Variants in LINC00632 observed in about 807,000 individuals in gnomAD.
LINC00632 encodes long independently transcribed non-coding RNA 632, also known as ALDOA related specific transcript.
intron 3 of LINC00632, among the ~76,000 whole-genome samples, chrX:140,761,020 G>T (rs758975870): frequency 8.9e-6 from 1 of 112,454 alleles, no homozygotes; most frequent in East Asian, 2.8e-4. Flanking sequence ...ATGAAAGTGT[G>T]ACTATCTGCA....
At chrX:140,723,713 ACGC>A (rs1930808515) in intron 2 of LINC00632, among the ~76,000 whole-genome samples, 1 of 458 alleles carries the variant, frequency 2.2e-3, no homozygotes, top group Non-Finnish European at 5.2e-3. Flanking sequence ...ATATACACAC[ACGC>A]CATACACACA....
intron 2 of LINC00632, chrX:140,712,337 G>A (rs1048734316): frequency 8.5e-5 from 9 of 106,075 alleles, no homozygotes; most frequent in African/African-American, 2.8e-4. Flanking sequence ...ATTCCTCTTA[G>A]GCGCACCTGA....
chrX:140,765,456 C>G (rs921620668), intron 3 of LINC00632, among the ~76,000 whole-genome samples: 2 of 112,085 alleles, frequency 1.8e-5, no homozygotes, highest in South Asian at 3.8e-4. Context: ...TTTAGGAACC[C>G]CTTCAATAAT....
exon 5 of LINC00632, among the ~76,000 whole-genome samples, chrX:140,789,509 T>C (rs765532835): frequency 8.9e-6 from 1 of 111,885 alleles, no homozygotes; most frequent in African/African-American, 3.2e-5. Flanking sequence ...ATATAAAGCA[T>C]CTTTACAATT....
exon 5 of LINC00632, chrX:140,784,985 A>G (rs1189582217): frequency 8.2e-6 from 1 of 121,216 alleles, no homozygotes; most frequent in Non-Finnish European, 1.9e-5. Flanking sequence ...CTGCTGCAAT[A>G]AATTTTACTA....
exon 5 of LINC00632, among the ~76,000 whole-genome samples, chrX:140,776,124 A>G (rs1484813558): frequency 8.9e-6 from 1 of 111,981 alleles, no homozygotes; most frequent in Non-Finnish European, 1.9e-5. Context: ...TGATATGAAC[A>G]GACACTTCTC....
At chrX:140,771,612 T>TATAC (rs1556028693) in intron 3 of LINC00632, among the ~76,000 whole-genome samples, 2 of 79,733 alleles carry the variant, frequency 2.5e-5, no homozygotes, top group African/African-American at 9.4e-5. Flanking sequence ...TTGGCATATA[T>TATAC]ACACACACAC....
At chrX:140,757,677 C>T (rs770392623) in intron 3 of LINC00632, among the ~76,000 whole-genome samples, 1 of 111,552 alleles carries the variant, frequency 9.0e-6, no homozygotes, top group Admixed American at 9.6e-5. Flanking sequence ...AGCGATTCTC[C>T]TGTCTCAGCC....
chrX:140,712,360 G>T, intron 2 of LINC00632: 1 of 99,375 alleles, frequency 1.0e-5, no homozygotes, highest in African/African-American at 3.8e-5. Flanking sequence ...TCCCAATTGT[G>T]TGTTAAAAAA....
intron 2 of LINC00632, among the ~76,000 whole-genome samples, chrX:140,723,641 ATTC>A (rs1930800798): frequency 9.6e-6 from 1 of 103,774 alleles, no homozygotes; most frequent in Non-Finnish European, 2.0e-5. Flanking sequence ...ACACACACAC[ATTC>A]CATACACACA....
At chrX:140,779,082 T>G (rs988408919) in exon 5 of LINC00632, among the ~76,000 whole-genome samples, 3 of 111,773 alleles carry the variant, frequency 2.7e-5, no homozygotes, top group Non-Finnish European at 5.6e-5. Context: ...TTTTTTCTTC[T>G]TTAAGAAAAG....
intron 3 of LINC00632, among the ~76,000 whole-genome samples, chrX:140,760,696 G>A (rs1010893165): frequency 4.5e-5 from 5 of 111,218 alleles, no homozygotes; most frequent in South Asian, 7.6e-4. Context: ...ACTTGAACCC[G>A]GGAGGCAGAG....
At chrX:140,750,607 A>G (rs1396007002) in intron 3 of LINC00632, among the ~76,000 whole-genome samples, 1 of 111,291 alleles carries the variant, frequency 9.0e-6, no homozygotes, top group Non-Finnish European at 1.9e-5. Context: ...TTTAAAAACC[A>G]TGTCTATTGA....
At chrX:140,732,754 G>A (rs762688330) in intron 2 of LINC00632, among the ~76,000 whole-genome samples, 249 of 109,812 alleles carry the variant, frequency 2.3e-3, no homozygotes, top group African/African-American at 8.0e-3. Context: ...CCTTTACAAA[G>A]GTGGCTATGA....
chrX:140,789,098 CT>C (rs1302834118), exon 5 of LINC00632, among the ~76,000 whole-genome samples: 9 of 108,727 alleles, frequency 8.3e-5, no homozygotes, highest in African/African-American at 3.0e-4. Context: ...CTTCCTCATA[CT>C]TTTTTTATTT....
rs900760209 is a variant in LINC00632, at chrX:140,717,046, G to T, written n.104+5390G>T. 7.3e-5 allele frequency among the ~76,000 whole-genome samples: 8 copies of T among 109,526 alleles called. 1 individual carries two copies. The highest frequency in any genetic ancestry group is 2.3e-4 in the African/African-American group (7 of 30,034). ...GTTGCCCAGGCTGGAGTGCAGTGGC[G>T]CAATCTCGGCTCACTGCAGCCTCCG... On this transcript the variant is annotated intron_variant and non_coding_transcript_variant, in intron 2 of 4. Coordinates refer to ENST00000648200, the Ensembl canonical transcript of LINC00632.
intron 3 of LINC00632, among the ~76,000 whole-genome samples, chrX:140,745,941 T>G (rs2148391047): frequency 8.9e-6 from 1 of 111,871 alleles, no homozygotes; most frequent in African/African-American, 3.2e-5. Flanking sequence ...GAAACTGCCT[T>G]TCTCTCTTCA....
At chrX:140,730,579 A>C (rs1931040880) in intron 2 of LINC00632, among the ~76,000 whole-genome samples, 2 of 109,845 alleles carry the variant, frequency 1.8e-5, no homozygotes, top group African/African-American at 6.7e-5. Flanking sequence ...CCTTAGACTC[A>C]TATCATGATG....
rs187718781 is a variant in LINC00632, at chrX:140,738,246, C to T, written n.191+4282C>T. Among the ~76,000 whole-genome samples the T allele has an allele frequency of 1.6e-4, 18 of 111,744 alleles. No individual in the cohort carries two copies. In the Admixed American group the frequency reaches 1.7e-3, roughly 11 times the overall value. On this transcript the variant is annotated intron_variant and non_coding_transcript_variant, in intron 3 of 4. Transcript: ENST00000648200. The stretch of plus-strand genomic sequence containing the variant: ...TAGATTCATTTTAAGAGAGAATACA[C>T]GTAAGAGTTGAGCACCTGAAAGTGG...
Sources: gnomAD v4.1 joint callset for allele counts (sites outside exome capture counted in the v4.1 genomes callset) on GRCh38, gnomAD v4.1.1 for gene constraint, MANE v1.5 for transcripts, NCBI Gene and HGNC (gene_info 2026-07-23, HGNC 2026-07-21) for gene names.